OLR1: variants seen among roughly 807,000 people sequenced by gnomAD.
OLR1 encodes the protein oxidized low-density lipoprotein receptor 1.
Under a neutral mutation model 31.7 loss-of-function variants are expected in OLR1, and 23 were observed. The observed-to-expected ratio is 0.72, with a 90% CI of 0.52 to 1.03. OLR1 has a LOEUF of 1.03. Among genes scored for constraint, OLR1 ranks in the 50% least tolerant of loss-of-function variants. OLR1 has a pLI of 0.00. For missense variants in OLR1, 286 were observed against 315.7 expected (o/e 0.91, Z 0.71); for synonymous variants, 117 against 115.8 (o/e 1.01, Z -0.07).
In OLR1 at chr12:10,158,520, A is replaced by G. The variant is rs1037120761; in HGVS notation, c.*1360T>C. 1.2e-4 allele frequency: 18 copies of G among 152,310 alleles called. No individual in the cohort carries two copies. The highest frequency in any genetic ancestry group is 4.1e-4 in the African/African-American group (17 of 41,560). 9.4% of individuals were successfully genotyped at this position (152,310 alleles called of 1,614,324 possible). A position where few individuals can be genotyped will look rare whatever the true frequency, so the allele number is the denominator to read the frequency against. ...GAAGCCAGACAAAAAAAAAAGACAT[A>G]CTATATGATTCCATTCACATAAAAC... is the stretch of plus-strand genomic sequence containing the variant. On this transcript the variant is annotated 3_prime_UTR_variant, in exon 6 of 6. Coordinates refer to ENST00000309539, the MANE Select transcript of OLR1 (RefSeq NM_002543.4).
intron 4 of OLR1, 142 bp from the exon 5 acceptor site, chr12:10,160,604 T>G (rs1309649650): frequency 1.0e-6 from 1 of 985,342 alleles, no homozygotes; most frequent in African/African-American, 1.6e-5. Flanking sequence ...AAACACTTAC[T>G]GAAGGCTAGA....
chr12:10,175,943 C>A (rs1050673584), upstream of OLR1, among the ~76,000 whole-genome samples: 1 of 152,228 alleles, frequency 6.6e-6, no homozygotes, highest in Non-Finnish European at 1.5e-5. Context: ...ACACTTGTTA[C>A]ACCAGTTGTA....
At position 10,159,612 on chromosome 12, in the gene OLR1, C is replaced by G. The variant is rs1319054866; in HGVS notation, c.*268G>C. 1 of 291,052 alleles carries G rather than the reference C, an allele frequency of 3.4e-6. No individual in the cohort carries two copies. The highest frequency in any genetic ancestry group is 2.1e-5 in the African/African-American group (1 of 47,634). 18.0% of individuals were successfully genotyped at this position (291,052 alleles called of 1,614,324 possible). A position where few individuals can be genotyped will look rare whatever the true frequency, so the allele number is the denominator to read the frequency against. On this transcript the variant is annotated 3_prime_UTR_variant, in exon 6 of 6. Transcript: ENST00000309539. ...AGGGTTTTCAAGCTTGAAGAGGAGT[C>G]AAATTTTAAAATAAAAAGGGGAAAA...
intron 2 of OLR1, among the ~76,000 whole-genome samples, chr12:10,167,939 A>G (rs1565422048): frequency 6.6e-6 from 1 of 152,246 alleles, no homozygotes; most frequent in Non-Finnish European, 1.5e-5. Flanking sequence ...TGATCCTGTT[A>G]TAAGATGATC....
At chr12:10,173,773 A>ACTCCCTTT (rs1948744289), upstream of OLR1, among the ~76,000 whole-genome samples, 13 of 151,932 alleles carry the variant, frequency 8.6e-5, no homozygotes, top group Admixed American at 8.5e-4. Flanking sequence ...TAAAAAAAAA[A>ACTCCCTTT]AAAAAAAAGA....
chr12:10,161,963 T>G (rs1948624949), intron 3 of OLR1, among the ~76,000 whole-genome samples: 1 of 148,194 alleles, frequency 6.7e-6, no homozygotes, highest in South Asian at 2.1e-4. Context: ...CATACTATAT[T>G]TCTTTTGTAC....
intron 2 of OLR1, among the ~76,000 whole-genome samples, chr12:10,168,525 G>A (rs1042265308): frequency 4.6e-5 from 7 of 152,040 alleles, no homozygotes; most frequent in African/African-American, 9.7e-5. Context: ...ATGGAGTCTC[G>A]CTCTGTTGCC....
chr12:10,167,981 A>G (rs1442606365), intron 2 of OLR1, among the ~76,000 whole-genome samples: 5 of 152,210 alleles, frequency 3.3e-5, no homozygotes, highest in Non-Finnish European at 7.3e-5. Flanking sequence ...GGTCACCACC[A>G]CTAAGTCAAG....
intron 3 of OLR1, 75 bp from the exon 4 acceptor site, chr12:10,161,000 C>T (rs1385665004): frequency 2.1e-6 from 3 of 1,405,188 alleles, no homozygotes; most frequent in Non-Finnish European, 9.9e-7. Flanking sequence ...AATCAATGAT[C>T]CCCTTAGTTC....
chr12:10,169,779 T>A (rs1191098008), intron 1 of OLR1, among the ~76,000 whole-genome samples: 1 of 152,186 alleles, frequency 6.6e-6, no homozygotes, highest in African/African-American at 2.4e-5. Context: ...GATGAAACCT[T>A]GATATTAATT....
rs1948598332 is a variant in OLR1 at position 10,159,132 on chromosome 12, G to T, written c.*748C>A. ...ACATCCCATGATTCTAACAAGAACT[G>T]TTGTGAAGGGTTAAATCTATTAATC... On this transcript the variant is annotated 3_prime_UTR_variant, in exon 6 of 6. Coordinates refer to ENST00000309539, the MANE Select transcript of OLR1 (RefSeq NM_002543.4). The T allele has an allele frequency of 6.6e-6, 1 of 152,128 alleles. No homozygotes were observed. Among genetic ancestry groups the T allele is most frequent in the African/African-American group, 2.4e-5 (1 of 41,424 alleles). The allele number at this position is 152,128 out of a possible 1,614,324, so 9.4% of individuals were successfully genotyped here.
At chr12:10,165,195 G>A (rs759251144) in intron 3 of OLR1, among the ~76,000 whole-genome samples, 6 of 151,990 alleles carry the variant, frequency 3.9e-5, no homozygotes, top group African/African-American at 9.7e-5. Flanking sequence ...CCCGGGAGGC[G>A]GAAGTTGCAG....
At chr12:10,161,853 A>C (rs1377356329) in intron 3 of OLR1, among the ~76,000 whole-genome samples, 1 of 151,770 alleles carries the variant, frequency 6.6e-6, no homozygotes, top group Non-Finnish European at 1.5e-5. Flanking sequence ...CTTGGGTTAA[A>C]TAAAATGTGT....
intron 5 of OLR1, 143 bp downstream of exon 5, chr12:10,160,204 G>A (rs993600446): frequency 4.4e-6 from 4 of 911,254 alleles, no homozygotes; most frequent in African/African-American, 3.3e-5. Context: ...AAAGAGGTAA[G>A]GAAGGAGACT....
At chr12:10,161,391 C>T (rs1948618640) in intron 3 of OLR1, among the ~76,000 whole-genome samples, 1 of 152,120 alleles carries the variant, frequency 6.6e-6, no homozygotes, top group Admixed American at 6.5e-5. Context: ...GTTGGGAGAA[C>T]AGATATTTAA....
chr12:10,167,068 G>T, intron 2 of OLR1, 111 bp from the exon 3 acceptor site: 2 of 1,030,056 alleles, frequency 1.9e-6, no homozygotes, highest in Non-Finnish European at 2.8e-6. Context: ...TAGATAAGCT[G>T]CTGAAAAATG....
upstream of OLR1, chr12:10,172,253 A>G: frequency 1.8e-6 from 1 of 559,130 alleles, no homozygotes; most frequent in Non-Finnish European, 3.2e-6. Flanking sequence ...TCGCTGACGC[A>G]AATTCTTGAG....
intron 3 of OLR1, among the ~76,000 whole-genome samples, chr12:10,165,714 T>G (rs1222266917): frequency 6.6e-6 from 1 of 150,748 alleles, no homozygotes. Context: ...TGAGCTGAGA[T>G]CACACCACTG....
At chr12:10,171,949 T>C (rs1440955905) in intron 1 of OLR1, 53 bp downstream of exon 1, 12 of 1,345,464 alleles carry the variant, frequency 8.9e-6, no homozygotes, top group East Asian at 2.3e-5. Flanking sequence ...AATTTACATT[T>C]TGGGGCTAAC....
Sources: allele counts gnomAD v4.1 joint callset (sites outside exome capture counted in the v4.1 genomes callset), GRCh38; gene constraint gnomAD v4.1.1; transcripts MANE v1.5; gene names NCBI Gene and HGNC (gene_info 2026-07-23, HGNC 2026-07-21).